The following SRGAP3 variants were observed in gnomAD, a reference collection of about 807,000 sequenced individuals.
SRGAP3 encodes the protein SLIT-ROBO Rho GTPase activating protein 3.
In SRGAP3, 39 loss-of-function variants were observed where a neutral mutation model predicts 121.1. The ratio of observed to expected loss-of-function variants is 0.32; its 90% CI spans 0.25 to 0.42. SRGAP3 has a LOEUF of 0.42. SRGAP3 is among the 10% of genes least tolerant of loss of function. The probability of loss-of-function intolerance (pLI) is 1.00; values close to 1 mark genes in which losing one functional copy is unlikely to be tolerated. For missense variants in SRGAP3, 1,213 were observed against 1,470.6 expected (o/e 0.82, Z 2.86); for synonymous variants, 601 against 570.0 (o/e 1.05, Z -0.77).
intron 3 of SRGAP3, among the ~76,000 whole-genome samples, chr3:9,299,759 A>G (rs906101685): frequency 2.6e-5 from 4 of 151,798 alleles, no homozygotes; most frequent in Non-Finnish European, 4.4e-5. Flanking sequence ...AAAATACAAA[A>G]ATTAGCCAGG....
At chr3:9,017,335 T>C (rs949873198) in intron 14 of SRGAP3, among the ~76,000 whole-genome samples, 4 of 152,352 alleles carry the variant, frequency 2.6e-5, no homozygotes, top group East Asian at 1.9e-4. Context: ...CATAAAAATA[T>C]TGGTTCTGAA....
intron 1 of SRGAP3, among the ~76,000 whole-genome samples, chr3:9,351,264 T>C (rs188070980): frequency 6.6e-6 from 1 of 152,306 alleles, no homozygotes; most frequent in East Asian, 1.9e-4. Context: ...TGAAAAACCT[T>C]TGTAGGCAAT....
At chr3:9,340,138 G>A (rs779564890) in intron 1 of SRGAP3, among the ~76,000 whole-genome samples, 1 of 152,222 alleles carries the variant, frequency 6.6e-6, no homozygotes, top group Non-Finnish European at 1.5e-5. Flanking sequence ...AAATACACCA[G>A]AAAGATTCTG....
chr3:9,114,983 A>T (rs1948753480), intron 2 of SRGAP3, among the ~76,000 whole-genome samples: 1 of 152,270 alleles, frequency 6.6e-6, no homozygotes, highest in Non-Finnish European at 1.5e-5. Flanking sequence ...AGGTGAAGAC[A>T]CTGAGTTTTC....
chr3:9,315,842 T>C (rs1460946422), intron 3 of SRGAP3, among the ~76,000 whole-genome samples: 1 of 152,096 alleles, frequency 6.6e-6, no homozygotes, highest in Non-Finnish European at 1.5e-5. Context: ...AACACACACC[T>C]TTAAAAGAAA....
chr3:9,333,131 C>CT (rs1332648593), intron 1 of SRGAP3, among the ~76,000 whole-genome samples: 1 of 152,192 alleles, frequency 6.6e-6, no homozygotes, highest in South Asian at 2.1e-4. Flanking sequence ...AAATTATAGT[C>CT]TACTTTTTAA....
In SRGAP3 at chr3:9,069,670, T is replaced by C. The variant is rs13087170; in HGVS notation, c.487-5089A>G. ...AGGCTCAAAAGTAGCAAGAGCGGGCTGGGCGCGGTGGCTCATGCCTGTAAT... is the reference window on the plus strand; with the variant it reads ...AGGCTCAAAAGTAGCAAGAGCGGGCCGGGCGCGGTGGCTCATGCCTGTAAT... On this transcript the variant is annotated intron_variant, in intron 4 of 21. Transcript: ENST00000383836. 9.8e-3 allele frequency among the ~76,000 whole-genome samples: 1,492 copies of C among 152,298 alleles called. 30 individuals carry two copies. Among genetic ancestry groups the C allele is most frequent in the African/African-American group, 0.03 (1,260 of 41,564 alleles).
chr3:9,248,864 C>T (rs1953918541), intron 1 of SRGAP3, 21 bp downstream of exon 1: 2 of 1,613,560 alleles, frequency 1.2e-6, no homozygotes, highest in Non-Finnish European at 1.7e-6. Context: ...AGAAGGAAAA[C>T]TCTCCCAGCC....
intron 9 of SRGAP3, among the ~76,000 whole-genome samples, chr3:9,050,181 C>A (rs377363098): frequency 6.6e-6 from 1 of 152,194 alleles, no homozygotes; most frequent in Non-Finnish European, 1.5e-5. Context: ...GGTTCAAATG[C>A]ACACTTCAGT....
chr3:9,141,843 G>GA (rs1424529186), intron 1 of SRGAP3, among the ~76,000 whole-genome samples: 1 of 152,148 alleles, frequency 6.6e-6, no homozygotes, highest in African/African-American at 2.4e-5. Context: ...CTGCCTTTGA[G>GA]GATAGATGGA....
At chr3:9,064,329 G>A (rs559723673) in intron 5 of SRGAP3, 67 bp downstream of exon 5, 677 of 1,605,530 alleles carry the variant, frequency 4.2e-4, no homozygotes, top group South Asian at 7.0e-4. Flanking sequence ...AAGGCTGTCC[G>A]CCAAGACCAT....
intron 3 of SRGAP3, among the ~76,000 whole-genome samples, chr3:9,291,159 T>A (rs1287856357): frequency 1.3e-5 from 2 of 152,200 alleles, no homozygotes; most frequent in South Asian, 4.1e-4. Flanking sequence ...TTGATGTGTA[T>A]ACATGATCAA....
chr3:9,126,134 G>A (rs1476977513), intron 1 of SRGAP3, among the ~76,000 whole-genome samples: 2 of 152,134 alleles, frequency 1.3e-5, no homozygotes, highest in Non-Finnish European at 2.9e-5. Flanking sequence ...ATCAACCTGA[G>A]ATCCTCCACA....
rs1946336603 is a variant in SRGAP3 at position 9,064,645 on chromosome 3, C to G, written c.487-64G>C. 4 of 1,582,346 alleles carry G rather than the reference C, an allele frequency of 2.5e-6. No homozygotes were observed. In the Admixed American group the frequency reaches 6.8e-5, roughly 27 times the overall value. ...TGGCCCAGCACGGCCCTCCCTGTTA[C>G]TCCTGGCTCCATACCAAGTTCTACA... On this transcript the variant is annotated intron_variant, in intron 4 of 21. Coordinates refer to ENST00000383836, the MANE Select transcript of SRGAP3 (RefSeq NM_014850.4).
At chr3:9,256,603 G>C (rs1954137733) in intron 3 of SRGAP3, among the ~76,000 whole-genome samples, 1 of 151,888 alleles carries the variant, frequency 6.6e-6, no homozygotes, top group South Asian at 2.1e-4. Context: ...GGGTTTGAGG[G>C]AATGCTTGTT....
rs1436767814 is a variant in SRGAP3 at position 8,985,140 on chromosome 3, A to G, written c.*379T>C. The G allele has an allele frequency of 6.1e-6, 2 of 327,850 alleles. No individual in the cohort carries two copies. Among genetic ancestry groups the G allele is most frequent in the African/African-American group, 4.3e-5 (2 of 46,888 alleles). 20.3% of individuals were successfully genotyped at this position (327,850 alleles called of 1,614,324 possible). ...CCTACAGACACGTACATACGTATAC[A>G]TGTGTATATATGCACACATCGATAT... is the stretch of plus-strand genomic sequence containing the variant. On this transcript the variant is annotated 3_prime_UTR_variant, in exon 22 of 22. Coordinates refer to ENST00000383836, the MANE Select transcript of SRGAP3 (RefSeq NM_014850.4). The surrounding 1 kb of genome is among the most constrained non-coding windows in gnomAD (Gnocchi z 5.1).
Position 8,983,577 on chromosome 3 carries a change from G to T in SRGAP3, c.*1942C>A, listed in dbSNP as rs931241891. 3.0e-5 allele frequency: 7 copies of T among 231,166 alleles called. No individual in the cohort carries two copies. Among genetic ancestry groups the T allele is most frequent in the Admixed American group, 1.1e-4 (2 of 17,704 alleles). The allele number at this position is 231,166 out of a possible 1,614,324, so 14.3% of individuals were successfully genotyped here. A position where few individuals can be genotyped will look rare whatever the true frequency, so the allele number is the denominator to read the frequency against. On this transcript the variant is annotated 3_prime_UTR_variant, in exon 22 of 22. Transcript: ENST00000383836. ...TCCAATGGGCTGAAATGTTAATGAT[G>T]GAATCCAGGGCTCTTATTAGGATGG... is the stretch of plus-strand genomic sequence containing the variant.
upstream of SRGAP3, among the ~76,000 whole-genome samples, chr3:9,251,118 C>T (rs948937637): frequency 2.6e-5 from 4 of 152,146 alleles, no homozygotes; most frequent in African/African-American, 9.7e-5. Flanking sequence ...CTGCAGTGGG[C>T]GTCCCCAGGC....
chr3:8,990,810 A>T lies in SRGAP3; in HGVS notation c.2588T>A (p.Ile863Asn), dbSNP rs1942011068. The T allele has an allele frequency of 1.3e-6, 2 of 1,575,202 alleles. No individual in the cohort carries two copies. Among genetic ancestry groups the T allele is most frequent in the Admixed American group, 3.6e-5 (2 of 55,680 alleles). Residue 863 changes from isoleucine to asparagine, a missense_variant, in exon 21 of 22, where the codon ATC becomes AAC. By Grantham distance (149) the Ile-to-Asn change is moderately radical. This residue lies in a region of SRGAP3 where 420 missense variants were observed against 437.7 expected (regional missense o/e 0.96). Coordinates refer to ENST00000383836, the MANE Select transcript of SRGAP3 (RefSeq NM_014850.4). ...RVRLRSDGAAIPRRRSGGDTH... is the reference protein window; with the variant it reads ...RVRLRSDGAANPRRRSGGDTH... ...GTCGCCCCCGCTTCGGCGTCTGGGG[A>T]TGGCTGCTCCATCAGATCGTAACCG...
Sources: gnomAD v4.1 joint callset for allele counts (sites outside exome capture counted in the v4.1 genomes callset) on GRCh38, gnomAD v4.1.1 for gene constraint, gnomAD v4.1.1 regional missense constraint, Gnocchi (gnomAD v3.1) non-coding constraint, MANE v1.5 for transcripts, NCBI Gene and HGNC (gene_info 2026-07-23, HGNC 2026-07-21) for gene names.